Variants in FAM83A observed in about 807,000 individuals in gnomAD.
The protein encoded by FAM83A is scaffolding CK1 anchoring protein A, also known as protein FAM83A.
In FAM83A, 21 loss-of-function variants were observed where a neutral mutation model predicts 24.4. That is an observed-to-expected ratio of 0.86 (90% CI 0.61 to 1.24). The LOEUF is 1.24. Among genes scored for constraint, FAM83A ranks in the 50% most tolerant of loss-of-function variants. FAM83A has a pLI of 0.00. For synonymous variants in FAM83A, 270 were observed against 252.4 expected (o/e 1.07, Z -0.66); for missense variants, 617 against 579.8 (o/e 1.06, Z -0.66).
chr8:123,192,520 G>A (rs981973100), intron 2 of FAM83A, among the ~76,000 whole-genome samples: 4 of 152,202 alleles, frequency 2.6e-5, no homozygotes, highest in Non-Finnish European at 5.9e-5. Context: ...GAAACCCAGC[G>A]ATAAGGGTTT....
At chr8:123,207,500 C>A in exon 4 of FAM83A, 1 of 1,580,884 alleles carries the variant, frequency 6.3e-7, no homozygotes, top group Non-Finnish European at 8.6e-7. Flanking sequence ...CCAGCCCCAC[C>A]AAGGCCCTTG....
rs2131089196 is a variant in FAM83A at position 123,198,173 on chromosome 8, G to A, written c.773+4025G>A. On this transcript the variant is annotated intron_variant, in intron 3 of 3. Coordinates refer to ENST00000690554, the Ensembl canonical transcript of FAM83A. ...AAATAAAGTGATCTGAACTTCAGTAGATCAAGGTTTGGATGTTTTTTAAAA... is the reference window on the plus strand; with the variant it reads ...AAATAAAGTGATCTGAACTTCAGTAAATCAAGGTTTGGATGTTTTTTAAAA... 1.3e-5 allele frequency among the ~76,000 whole-genome samples: 2 copies of A among 152,214 alleles called. 1 individual carries two copies. Among genetic ancestry groups the A allele is most frequent in the East Asian group, 3.9e-4 (2 of 5,182 alleles).
At chr8:123,182,349 C>T, upstream of FAM83A, 1 of 355,958 alleles carries the variant, frequency 2.8e-6, no homozygotes, top group South Asian at 2.1e-5. Flanking sequence ...TTCCCCCCCA[C>T]AGGGAAATTC....
At chr8:123,191,380 A>G (rs1007069957) in intron 1 of FAM83A, among the ~76,000 whole-genome samples, 5 of 152,170 alleles carry the variant, frequency 3.3e-5, no homozygotes, top group African/African-American at 1.2e-4. Flanking sequence ...GCTTAACAGC[A>G]TTTGAAAATC....
At chr8:123,183,852 C>T (rs193146255) in intron 1 of FAM83A, among the ~76,000 whole-genome samples, 3 of 151,732 alleles carry the variant, frequency 2.0e-5, no homozygotes, top group Non-Finnish European at 2.9e-5. Flanking sequence ...CATGCCACCA[C>T]GCCCAGTTGA....
At chr8:123,190,154 C>T (rs1365555061) in intron 1 of FAM83A, among the ~76,000 whole-genome samples, 2 of 146,698 alleles carry the variant, frequency 1.4e-5, no homozygotes, top group East Asian at 4.0e-4. Flanking sequence ...TAGTGAAACC[C>T]CATGTCTACA....
exon 4 of FAM83A, chr8:123,207,523 T>C (rs1338975909): frequency 1.9e-6 from 3 of 1,565,992 alleles, no homozygotes; most frequent in South Asian, 1.2e-5. Context: ...GAGCCCCGAG[T>C]CCCCAGGCCC....
intron 1 of FAM83A, among the ~76,000 whole-genome samples, chr8:123,185,522 A>G (rs1729414272): frequency 6.6e-6 from 1 of 152,136 alleles, no homozygotes; most frequent in African/African-American, 2.4e-5. Flanking sequence ...GCGTGTTACG[A>G]ACTTAGGACA....
At chr8:123,199,121 C>T (rs1210924648) in intron 3 of FAM83A, among the ~76,000 whole-genome samples, 2 of 152,084 alleles carry the variant, frequency 1.3e-5, no homozygotes, top group Admixed American at 6.6e-5. Flanking sequence ...AAAACAATAA[C>T]GCACTCCATT....
intron 1 of FAM83A, among the ~76,000 whole-genome samples, chr8:123,188,043 A>AT (rs544198021): frequency 0.18 from 25,982 of 145,422 alleles, 2,439 homozygotes; most frequent in Admixed American, 0.24. Context: ...TATTATTATT[A>AT]TTTTTTTTTT....
chr8:123,183,155 T>C lies in FAM83A; in HGVS notation c.299T>C (p.Leu100Pro), dbSNP rs1211430097. ...CCTAAGGGACTGGACTCCAGCTCCCTACAGTCCGGCACCTACTTCCCTGTG... is the reference window on the plus strand; with the variant it reads ...CCTAAGGGACTGGACTCCAGCTCCCCACAGTCCGGCACCTACTTCCCTGTG... The change falls in exon 1 of 4, where the codon CTA (leucine) becomes CCA (proline). Residue 100 changes from leucine (L) to proline (P), a missense_variant. Coordinates refer to ENST00000690554, the Ensembl canonical transcript of FAM83A. 3 of 1,613,674 alleles carry C rather than the reference T, an allele frequency of 1.9e-6. No homozygotes were observed. In the African/African-American group the frequency reaches 4.0e-5, roughly 22 times the overall value.
upstream of FAM83A, among the ~76,000 whole-genome samples, chr8:123,180,938 T>C (rs1823583200): frequency 1.3e-5 from 2 of 151,944 alleles, no homozygotes; most frequent in African/African-American, 2.4e-5. Context: ...TTTTATATTA[T>C]TTTATTTTAT....
chr8:123,189,816 C>T (rs946701071), intron 1 of FAM83A, among the ~76,000 whole-genome samples: 15 of 152,224 alleles, frequency 9.9e-5, no homozygotes, highest in South Asian at 6.2e-4. Flanking sequence ...AGCTGTGCCC[C>T]GACCACCTTG....
intron 1 of FAM83A, among the ~76,000 whole-genome samples, chr8:123,190,388 A>C (rs1263660403): frequency 6.6e-6 from 1 of 151,388 alleles, no homozygotes; most frequent in Non-Finnish European, 1.5e-5. Context: ...CAGCCTCCCC[A>C]GTAGCTGGGA....
At chr8:123,196,295 A>G (rs1824151739) in intron 3 of FAM83A, among the ~76,000 whole-genome samples, 1 of 152,236 alleles carries the variant, frequency 6.6e-6, no homozygotes, top group South Asian at 2.1e-4. Context: ...TACAGGCATG[A>G]GCCACCGCTC....
exon 1 of FAM83A, chr8:123,182,736 G>A (rs1823636201): frequency 7.0e-7 from 1 of 1,438,822 alleles, no homozygotes; most frequent in Non-Finnish European, 9.4e-7. Context: ...GCCGGTCCTG[G>A]GAGCAGGCGG....
chr8:123,186,336 T>C (rs1823793194), intron 1 of FAM83A, among the ~76,000 whole-genome samples: 1 of 152,116 alleles, frequency 6.6e-6, no homozygotes, highest in African/African-American at 2.4e-5. Flanking sequence ...AGCCTCAGCC[T>C]AGGCTGTCCT....
At chr8:123,200,996 CA>C (rs1207741603) in intron 3 of FAM83A, among the ~76,000 whole-genome samples, 48 of 135,926 alleles carry the variant, frequency 3.5e-4, no homozygotes, top group East Asian at 1.7e-3. Context: ...CACATATATA[CA>C]AAAAAAAAAT....
At chr8:123,186,532 A>C (rs1009455034) in intron 1 of FAM83A, among the ~76,000 whole-genome samples, 2 of 152,180 alleles carry the variant, frequency 1.3e-5, no homozygotes, top group Non-Finnish European at 2.9e-5. Flanking sequence ...CTTCATGCCC[A>C]AATTCCTTTA....
Sources: gnomAD v4.1 joint callset for allele counts (sites outside exome capture counted in the v4.1 genomes callset) on GRCh38, gnomAD v4.1.1 for gene constraint, MANE v1.5 for transcripts, NCBI Gene and HGNC (gene_info 2026-07-23, HGNC 2026-07-21) for gene names.